Variants in CD47 observed in about 807,000 individuals in gnomAD.
The protein encoded by CD47 is leukocyte surface antigen CD47.
CD47 carries 11 observed loss-of-function variants against 44.6 expected under a neutral mutation model. The ratio of observed to expected loss-of-function variants is 0.25; its 90% CI spans 0.16 to 0.41. The LOEUF is 0.41. CD47 is among the 10% of genes least tolerant of loss of function. The pLI, the probability that CD47 is intolerant of heterozygous loss-of-function variation, is 1.00. For synonymous variants in CD47, 140 were observed against 136.3 expected, an observed-to-expected ratio of 1.03 and a Z score of -0.19; for missense variants, 306 against 386.7, an observed-to-expected ratio of 0.79 and a Z score of 1.75.
intron 1 of CD47, among the ~76,000 whole-genome samples, chr3:108,085,681 G>T (rs986987565): frequency 3.3e-5 from 5 of 152,050 alleles, no homozygotes; most frequent in Admixed American, 6.6e-5. Context: ...ATCTCTCCAG[G>T]CTCAGAAAGT....
At chr3:108,063,488 C>T (rs1198134240) in intron 3 of CD47, among the ~76,000 whole-genome samples, 1 of 152,008 alleles carries the variant, frequency 6.6e-6, no homozygotes, top group Non-Finnish European at 1.5e-5. Flanking sequence ...CTAGCCCAGT[C>T]GTCAAATTTC....
chr3:108,077,797 C>A (rs972524080), intron 2 of CD47, among the ~76,000 whole-genome samples: 3 of 152,026 alleles, frequency 2.0e-5, no homozygotes, highest in Non-Finnish European at 4.4e-5. Context: ...TGAAAAAGCC[C>A]TTCTCAAAAG....
At chr3:108,048,636 G>A (rs1312147548) in intron 10 of CD47, among the ~76,000 whole-genome samples, 6 of 151,966 alleles carry the variant, frequency 3.9e-5, no homozygotes, top group East Asian at 1.9e-4. Flanking sequence ...CGCCCGCCTC[G>A]GCCTCCCAAA....
At chr3:108,090,253 G>A (rs1432215821) in intron 1 of CD47, among the ~76,000 whole-genome samples, 2 of 152,172 alleles carry the variant, frequency 1.3e-5, no homozygotes, top group African/African-American at 2.4e-5. Context: ...AAAAACGACA[G>A]CAAAAATTAC....
At position 108,091,010 on chromosome 3, in the gene CD47, C is replaced by G. The variant is rs1021561857; in HGVS notation, c.-102G>C. ...ACCGACCGCCGCCGCGCGTCACAGG[C>G]AGGACCCACTGCCCAGGCTGCACGG... On this transcript the variant is annotated 5_prime_UTR_variant, in exon 1 of 11. Coordinates refer to ENST00000361309, the MANE Select transcript of CD47 (RefSeq NM_001777.4). 3.9e-6 allele frequency: 3 copies of G among 770,862 alleles called. No homozygotes were observed. Among genetic ancestry groups the G allele is most frequent in the Non-Finnish European group, 5.5e-6 (3 of 549,596 alleles). The allele number at this position is 770,862 out of a possible 1,614,324, so 47.8% of individuals were successfully genotyped here. A position where few individuals can be genotyped will look rare whatever the true frequency, so the allele number is the denominator to read the frequency against.
chr3:108,072,703 AC>A (rs2079228900), intron 2 of CD47, among the ~76,000 whole-genome samples: 1 of 152,040 alleles, frequency 6.6e-6, no homozygotes, highest in Non-Finnish European at 1.5e-5. Flanking sequence ...ATAGCCTAAA[AC>A]CCTACCAGGA....
intron 1 of CD47, among the ~76,000 whole-genome samples, chr3:108,080,618 A>T (rs989305): frequency 0.39 from 58,604 of 151,742 alleles, 11,918 homozygotes; most frequent in Non-Finnish European, 0.45. Context: ...AAATTCAGCA[A>T]CTATGTTGGA....
chr3:108,055,581 G>A, intron 7 of CD47: 9 of 1,298,176 alleles, frequency 6.9e-6, no homozygotes, highest in Non-Finnish European at 8.1e-6. Flanking sequence ...CATCAGACAA[G>A]TTGATTTAAA....
At chr3:108,085,067 G>A (rs1327593301) in intron 1 of CD47, among the ~76,000 whole-genome samples, 2 of 151,930 alleles carry the variant, frequency 1.3e-5, no homozygotes, top group South Asian at 2.1e-4. Context: ...GAATACAAAC[G>A]AGGTCCTTCA....
At position 108,047,181 on chromosome 3, in the gene CD47, G is replaced by A; in HGVS notation, c.*107C>T. On this transcript the variant is annotated 3_prime_UTR_variant, in exon 11 of 11. Transcript: ENST00000361309. ...TAGGTGACAACCAGTTACTTTTCTT[G>A]TTTCTTCTCCCCAACAGTGAATCAT... 3.5e-6 allele frequency: 3 copies of A among 861,414 alleles called. No homozygotes were observed. Among genetic ancestry groups the A allele is most frequent in the Non-Finnish European group, 3.7e-6 (2 of 547,640 alleles). 53.4% of individuals were successfully genotyped at this position (861,414 alleles called of 1,614,324 possible). A position where few individuals can be genotyped will look rare whatever the true frequency, so the allele number is the denominator to read the frequency against.
intron 1 of CD47, among the ~76,000 whole-genome samples, chr3:108,080,741 A>G (rs1403224241): frequency 6.6e-6 from 1 of 151,854 alleles, no homozygotes; most frequent in Non-Finnish European, 1.5e-5. Flanking sequence ...AGAAAACCAA[A>G]CCAAATATTT....
intron 2 of CD47, among the ~76,000 whole-genome samples, chr3:108,073,207 TG>T (rs1457079898): frequency 1.3e-5 from 2 of 151,926 alleles, no homozygotes; most frequent in African/African-American, 4.8e-5. Flanking sequence ...GACAATGAAA[TG>T]TTCTTTCATT....
chr3:108,043,524 T>C lies in CD47; in HGVS notation c.*3764A>G, dbSNP rs528551985. Reference sequence around the variant, plus strand: ...CTGCAAAAAAATGGCTACTGACAAATAGCACACCTTTAATTGCTATGCAAA... The same window carrying C: ...CTGCAAAAAAATGGCTACTGACAAACAGCACACCTTTAATTGCTATGCAAA... On this transcript the variant is annotated 3_prime_UTR_variant, in exon 11 of 11. Transcript: ENST00000361309. 2.0e-5 allele frequency: 3 copies of C among 152,060 alleles called. No homozygotes were observed. Among genetic ancestry groups the C allele is most frequent in the East Asian group, 1.9e-4 (1 of 5,170 alleles). The allele number at this position is 152,060 out of a possible 1,614,324, so 9.4% of individuals were successfully genotyped here.
intron 8 of CD47, chr3:108,051,635 T>A (rs938341564): frequency 1.4e-5 from 7 of 515,962 alleles, no homozygotes; most frequent in Middle Eastern, 5.7e-4. Flanking sequence ...TGAGGTGATA[T>A]ATTGGAATCA....
rs1273833881 is a variant in CD47, at chr3:108,044,025, T to TA, written c.*3262dup. 2 of 152,560 alleles carry TA rather than the reference T, an allele frequency of 1.3e-5. No individual in the cohort carries two copies. Among genetic ancestry groups the TA allele is most frequent in the Non-Finnish European group, 2.9e-5 (2 of 68,006 alleles). The allele number at this position is 152,560 out of a possible 1,614,324, so 9.5% of individuals were successfully genotyped here. On this transcript the variant is annotated 3_prime_UTR_variant, in exon 11 of 11. Transcript: ENST00000361309. ...AATCCCTCAACCAAATAAAATACAA[T>TA]AAAAAATAAACGGTTGCCCGACAAT...
intron 2 of CD47, among the ~76,000 whole-genome samples, chr3:108,072,662 T>A (rs901541232): frequency 2.6e-5 from 4 of 152,112 alleles, no homozygotes; most frequent in African/African-American, 9.7e-5. Context: ...TAACTGAATA[T>A]CTTCTTATGC....
intron 1 of CD47, among the ~76,000 whole-genome samples, chr3:108,088,626 A>C (rs1202352774): frequency 2.0e-5 from 3 of 152,174 alleles, no homozygotes; most frequent in Non-Finnish European, 4.4e-5. Context: ...CCTGATTTAA[A>C]AAAAAAAACA....
intron 10 of CD47, among the ~76,000 whole-genome samples, chr3:108,047,610 C>T (rs887553341): frequency 1.3e-5 from 2 of 152,298 alleles, no homozygotes; most frequent in Non-Finnish European, 2.9e-5. Flanking sequence ...ATAATATTCA[C>T]TTTGGATCTC....
At chr3:108,079,197 AAT>A (rs2079366690) in intron 2 of CD47, among the ~76,000 whole-genome samples, 1 of 152,006 alleles carries the variant, frequency 6.6e-6, no homozygotes, top group African/African-American at 2.4e-5. Context: ...GGTAATTCTA[AAT>A]AGAGATTTCA....
Sources: allele counts gnomAD v4.1 joint callset (sites outside exome capture counted in the v4.1 genomes callset), GRCh38; gene constraint gnomAD v4.1.1; transcripts MANE v1.5; gene names NCBI Gene and HGNC (gene_info 2026-07-23, HGNC 2026-07-21).